FAM167A: variants seen among roughly 807,000 people sequenced by gnomAD.
FAM167A encodes family with sequence similarity 167 member A, also known as protein FAM167A.
Under a neutral mutation model 14.9 loss-of-function variants are expected in FAM167A, and 23 were observed. The ratio of observed to expected loss-of-function variants is 1.55; its 90% CI spans 1.11 to 2.19. The LOEUF is 2.19. Ranked by LOEUF, FAM167A falls within the 30% of genes most tolerant of loss-of-function variation. The probability of loss-of-function intolerance (pLI) is 0.00; values close to 1 mark genes in which losing one functional copy is unlikely to be tolerated. For missense variants in FAM167A, 401 were observed against 281.5 expected (o/e 1.42, Z -3.04); for synonymous variants, 174 against 117.7 (o/e 1.48, Z -3.10).
At chr8:11,451,641 G>C (rs547691040) in intron 1 of FAM167A, among the ~76,000 whole-genome samples, 1 of 152,326 alleles carries the variant, frequency 6.6e-6, no homozygotes, top group Non-Finnish European at 1.5e-5. Flanking sequence ...ATGCCCTGGT[G>C]ACCAGGTGTG....
At position 11,424,631 on chromosome 8, in the gene FAM167A, C is replaced by G. The variant is rs1805006788; in HGVS notation, c.387G>C (p.Glu129Asp). 6.2e-7 allele frequency: 1 copy of G among 1,613,510 alleles called. No homozygotes were observed. The highest frequency in any genetic ancestry group is 1.3e-5 in the African/African-American group (1 of 74,902). The stretch of plus-strand genomic sequence containing the variant: ...CCAGTTGCTGGTCCTGCAGCCGCAT[C>G]TCCGTCTGGAAGGGAGGGGGAGCAG... ...AIAWLRKELT[E>D]MRLQDQQLAR... is the part of the protein sequence containing the mutation. Residue 129 changes from glutamate to aspartate, a missense_variant, in exon 3 of 3, where the codon GAG becomes GAC. Physicochemically the swap from Glu to Asp is conservative, Grantham distance 45. Coordinates refer to ENST00000284486, the MANE Select transcript of FAM167A (RefSeq NM_053279.3).
intron 2 of FAM167A, among the ~76,000 whole-genome samples, chr8:11,429,969 G>A (rs535872889): frequency 6.6e-6 from 1 of 152,210 alleles, no homozygotes; most frequent in East Asian, 1.9e-4. Flanking sequence ...CATCACTTAA[G>A]TCCTTTCTCT....
intron 2 of FAM167A, among the ~76,000 whole-genome samples, chr8:11,442,086 T>C (rs1806475221): frequency 6.6e-6 from 1 of 152,230 alleles, no homozygotes; most frequent in Non-Finnish European, 1.5e-5. Context: ...GGTAGTCAGA[T>C]TAGTCCTGAC....
At chr8:11,424,937 A>C (rs1021270428) in intron 2 of FAM167A, among the ~76,000 whole-genome samples, 1 of 152,146 alleles carries the variant, frequency 6.6e-6, no homozygotes, top group African/African-American at 2.4e-5. Context: ...TTAGAGTTTC[A>C]TTTAGATGGA....
chr8:11,455,370 G>C (rs1807199788), intron 1 of FAM167A, among the ~76,000 whole-genome samples: 7 of 139,922 alleles, frequency 5.0e-5, no homozygotes. Flanking sequence ...TGTGAGTGTG[G>C]GATGGTTGCC....
At position 11,424,264 on chromosome 8, in the gene FAM167A, G is replaced by A; in HGVS notation, c.*109C>T. On this transcript the variant is annotated 3_prime_UTR_variant, in exon 3 of 3. Coordinates refer to ENST00000284486, the MANE Select transcript of FAM167A (RefSeq NM_053279.3). The stretch of plus-strand genomic sequence containing the variant: ...GGGGCCCTTGAGTCGCCAGTCCCAG[G>A]GACCCCTGCCTCCGGGAGACCCACT... 3.4e-6 allele frequency: 5 copies of A among 1,475,312 alleles called. No individual in the cohort carries two copies. In the South Asian group the frequency reaches 6.4e-5, roughly 19 times the overall value. 91.4% of individuals were successfully genotyped at this position (1,475,312 alleles called of 1,614,324 possible). A position where few individuals can be genotyped will look rare whatever the true frequency, so the allele number is the denominator to read the frequency against.
At chr8:11,431,914 A>AG (rs1805624148) in intron 2 of FAM167A, among the ~76,000 whole-genome samples, 1 of 145,272 alleles carries the variant, frequency 6.9e-6, no homozygotes, top group Admixed American at 7.0e-5. Context: ...AAAAAAAAAA[A>AG]AAAAAGGATT....
chr8:11,466,012 A>T (rs1039854138), intron 1 of FAM167A, among the ~76,000 whole-genome samples: 1 of 150,926 alleles, frequency 6.6e-6, no homozygotes, highest in Non-Finnish European at 1.5e-5. Flanking sequence ...GCTGAAGAAG[A>T]CACCCTCCCC....
intron 2 of FAM167A, among the ~76,000 whole-genome samples, chr8:11,440,265 G>A (rs1185628499): frequency 6.6e-6 from 1 of 152,206 alleles, no homozygotes; most frequent in Non-Finnish European, 1.5e-5. Flanking sequence ...GGAGCCCAAG[G>A]TCAGGCCGTC....
Position 11,429,249 on chromosome 8 carries a change from ATGT to A in FAM167A, c.382-4616_382-4614del, listed in dbSNP as rs1805403715. On this transcript the variant is annotated intron_variant, in intron 2 of 2. Transcript: ENST00000284486. ...TGAGTGGCTAATTTCACTTAGCATA[ATGT>A]CCTCTGGTTTCTGATGGCTAAGAAG... Among the ~76,000 whole-genome samples the A allele has an allele frequency of 2.6e-5, 4 of 152,366 alleles. No individual in the cohort carries two copies. The South Asian group carries it at 8.3e-4, about 32-fold the overall frequency.
chr8:11,472,402 T>C (rs192956922), upstream of FAM167A, among the ~76,000 whole-genome samples: 653 of 151,868 alleles, frequency 4.3e-3, 3 homozygotes, highest in Non-Finnish European at 6.9e-3. Flanking sequence ...ATGCACAGCA[T>C]TTGTTTTTGT....
chr8:11,457,801 C>T (rs916247162), intron 1 of FAM167A, among the ~76,000 whole-genome samples: 1 of 152,198 alleles, frequency 6.6e-6, no homozygotes, highest in Non-Finnish European at 1.5e-5. Context: ...CTCACACTCC[C>T]CACCTTCCAG....
chr8:11,434,308 C>G (rs552129223), intron 2 of FAM167A, among the ~76,000 whole-genome samples: 4 of 152,324 alleles, frequency 2.6e-5, no homozygotes, highest in South Asian at 2.1e-4. Context: ...CTGAGCCTGG[C>G]TGGTCCTGGG....
intron 2 of FAM167A, among the ~76,000 whole-genome samples, chr8:11,442,077 G>A (rs985914654): frequency 6.6e-6 from 1 of 152,190 alleles, no homozygotes; most frequent in Non-Finnish European, 1.5e-5. Context: ...ACAGCCTTTG[G>A]TAGTCAGATT....
intron 2 of FAM167A, among the ~76,000 whole-genome samples, chr8:11,439,606 G>A (rs561147085): frequency 5.9e-5 from 9 of 152,142 alleles, no homozygotes; most frequent in African/African-American, 1.7e-4. Context: ...TCCTTGGTGC[G>A]GGGGGAGGGA....
chr8:11,472,147 T>C (rs982525190), upstream of FAM167A, among the ~76,000 whole-genome samples: 8 of 152,252 alleles, frequency 5.3e-5, no homozygotes, highest in Admixed American at 2.0e-4. Flanking sequence ...GCCTCTCAAA[T>C]GTCAGGCTGG....
At chr8:11,425,905 C>G (rs559421386) in intron 2 of FAM167A, among the ~76,000 whole-genome samples, 1 of 152,288 alleles carries the variant, frequency 6.6e-6, no homozygotes, top group East Asian at 1.9e-4. Flanking sequence ...GAGATACTTA[C>G]ATCTGTAGAG....
chr8:11,425,672 C>CG (rs1248669253), intron 2 of FAM167A, among the ~76,000 whole-genome samples: 1 of 151,932 alleles, frequency 6.6e-6, no homozygotes, highest in Non-Finnish European at 1.5e-5. Context: ...TGTTATACCC[C>CG]CCCTTGCTGT....
At position 11,444,250 on chromosome 8, in the gene FAM167A, C is replaced by T; in HGVS notation, c.162G>A (p.Glu54=). The change falls in exon 2 of 3, where the codon GAG becomes GAA. Residue 54 remains glutamate, a synonymous_variant. Transcript: ENST00000284486. The part of the protein sequence containing the change: ...PSYLEWQARL[E]EHTWPFPRPA... ...GCCTCGGGAAGGGCCAGGTATGCTCCTCCAGCCTGGCCTGCCATTCCAGGT... is the reference window on the plus strand; with the variant it reads ...GCCTCGGGAAGGGCCAGGTATGCTCTTCCAGCCTGGCCTGCCATTCCAGGT... 6.2e-7 allele frequency: 1 copy of T among 1,611,062 alleles called. No individual in the cohort carries two copies. Among genetic ancestry groups the T allele is most frequent in the South Asian group, 1.1e-5 (1 of 91,010 alleles).
Sources: gnomAD v4.1 joint callset for allele counts (sites outside exome capture counted in the v4.1 genomes callset) on GRCh38, gnomAD v4.1.1 for gene constraint, MANE v1.5 for transcripts, NCBI Gene and HGNC (gene_info 2026-07-23, HGNC 2026-07-21) for gene names.